The following FYB2 variants were observed in gnomAD, a reference collection of about 807,000 sequenced individuals.
FYB2 encodes FYN binding protein 2, also known as FYN-binding protein 2.
FYB2 carries 103 observed loss-of-function variants against 94.1 expected under a neutral mutation model. The ratio of observed to expected loss-of-function variants is 1.09; its 90% CI spans 0.93 to 1.29. The LOEUF (loss-of-function observed/expected upper bound fraction) is 1.29. Ranked by LOEUF, FYB2 falls within the 50% of genes most tolerant of loss-of-function variation. The probability of loss-of-function intolerance (pLI) is 0.00; values close to 1 mark genes in which losing one functional copy is unlikely to be tolerated. For missense variants in FYB2, 896 were observed against 841.5 expected, an observed-to-expected ratio of 1.06 and a Z score of -0.80; for synonymous variants, 293 against 287.9, an observed-to-expected ratio of 1.02 and a Z score of -0.18.
chr1:56,773,543 G>A (rs1231777320), intron 4 of FYB2, among the ~76,000 whole-genome samples: 1 of 152,184 alleles, frequency 6.6e-6, no homozygotes, highest in Non-Finnish European at 1.5e-5. Flanking sequence ...TGAGGGTTTA[G>A]TGTGGGAATA....
chr1:56,767,986 T>G lies in FYB2; in HGVS notation c.954-48A>C, dbSNP rs775667576. The G allele has an allele frequency of 3.6e-5, 50 of 1,393,908 alleles. 1 individual carries two copies. In the East Asian group the frequency reaches 1.0e-3, roughly 29 times the overall value. The allele number at this position is 1,393,908 out of a possible 1,614,324, so 86.3% of individuals were successfully genotyped here. ...AAATGTAACATTTTTAAAAACATAT[T>G]TTGAAAGCTTTTTGTATTTTTTCCT... is the stretch of plus-strand genomic sequence containing the variant. On this transcript the variant is annotated intron_variant, in intron 4 of 19. Coordinates refer to ENST00000343433, the MANE Select transcript of FYB2 (RefSeq NM_001004303.5).
intron 17 of FYB2, among the ~76,000 whole-genome samples, chr1:56,722,464 CAGA>C (rs2100481191): frequency 6.6e-6 from 1 of 152,044 alleles, no homozygotes; most frequent in East Asian, 1.9e-4. Context: ...TATAGGTAAA[CAGA>C]AGAAGAGTAA....
At chr1:56,785,425 G>C (rs1286952040) in intron 4 of FYB2, among the ~76,000 whole-genome samples, 1 of 152,190 alleles carries the variant, frequency 6.6e-6, no homozygotes, top group Admixed American at 6.5e-5. Context: ...GCCTGAGCCA[G>C]TTAGATTATT....
chr1:56,772,695 C>T (rs957770400), intron 4 of FYB2, among the ~76,000 whole-genome samples: 2 of 152,144 alleles, frequency 1.3e-5, no homozygotes, highest in Non-Finnish European at 2.9e-5. Flanking sequence ...CTCTCTTCTA[C>T]ATTCTAGTTA....
intron 15 of FYB2, among the ~76,000 whole-genome samples, chr1:56,730,220 G>A (rs973427859): frequency 6.9e-6 from 1 of 145,542 alleles, no homozygotes; most frequent in African/African-American, 2.5e-5. Context: ...AAATACAAAA[G>A]ATCAATGAAA....
intron 3 of FYB2, among the ~76,000 whole-genome samples, chr1:56,788,165 C>T (rs1646174987): frequency 6.6e-6 from 1 of 152,170 alleles, no homozygotes; most frequent in African/African-American, 2.4e-5. Context: ...GATGTACACT[C>T]AAGTTTGAGA....
intron 17 of FYB2, among the ~76,000 whole-genome samples, chr1:56,722,880 A>G (rs1287276459): frequency 6.6e-6 from 1 of 152,020 alleles, no homozygotes; most frequent in Non-Finnish European, 1.5e-5. Context: ...TGTCTCTCTC[A>G]GTCCAGTGTC....
upstream of FYB2, chr1:56,819,555 C>A: frequency 1.7e-6 from 1 of 578,852 alleles, no homozygotes; most frequent in Non-Finnish European, 3.1e-6. Context: ...ACCTGCAGTC[C>A]TGCCAAGCCC....
At chr1:56,746,696 T>G (rs891666109) in intron 9 of FYB2, among the ~76,000 whole-genome samples, 5 of 152,040 alleles carry the variant, frequency 3.3e-5, no homozygotes, top group African/African-American at 1.2e-4. Context: ...TCCATTCTAC[T>G]TTTTATGGGC....
intron 14 of FYB2, among the ~76,000 whole-genome samples, chr1:56,738,097 A>G (rs921171503): frequency 6.6e-6 from 1 of 152,106 alleles, no homozygotes; most frequent in African/African-American, 2.4e-5. Flanking sequence ...ACGTGTATTG[A>G]CAGCCTACTA....
At chr1:56,751,761 C>T (rs1378246693) in intron 8 of FYB2, among the ~76,000 whole-genome samples, 1 of 152,052 alleles carries the variant, frequency 6.6e-6, no homozygotes, top group Non-Finnish European at 1.5e-5. Flanking sequence ...GAAGGCAAGA[C>T]AACATGCTAA....
At chr1:56,805,461 T>C (rs17114384) in intron 1 of FYB2, among the ~76,000 whole-genome samples, 2,561 of 152,316 alleles carry the variant, frequency 0.017, 69 homozygotes, top group African/African-American at 0.056. Context: ...TCGTGTATGT[T>C]GTCTCAATTA....
chr1:56,720,846 T>C (rs1644471594), intron 17 of FYB2: 1 of 152,506 alleles, frequency 6.6e-6, no homozygotes, highest in Admixed American at 6.6e-5. Flanking sequence ...CTGGATGAGG[T>C]TGTAACATAG....
chr1:56,778,988 GAGA>G (rs1570119010), intron 4 of FYB2, among the ~76,000 whole-genome samples: 2 of 152,058 alleles, frequency 1.3e-5, no homozygotes, highest in African/African-American at 2.4e-5. Flanking sequence ...GACGATCTGG[GAGA>G]AGATGACACA....
intron 9 of FYB2, among the ~76,000 whole-genome samples, chr1:56,748,699 A>G (rs1205799891): frequency 1.3e-5 from 2 of 151,904 alleles, no homozygotes; most frequent in African/African-American, 4.8e-5. Flanking sequence ...CACTTTAATC[A>G]CCTTCTCAAT....
intron 1 of FYB2, among the ~76,000 whole-genome samples, chr1:56,798,657 T>G (rs113425659): frequency 1.2e-4 from 18 of 152,228 alleles, no homozygotes; most frequent in Admixed American, 2.6e-4. Flanking sequence ...ATGATAATAA[T>G]AATAATAACA....
At chr1:56,752,447 G>T (rs559358747) in intron 8 of FYB2, among the ~76,000 whole-genome samples, 1 of 152,176 alleles carries the variant, frequency 6.6e-6, no homozygotes, top group Non-Finnish European at 1.5e-5. Context: ...ACATTTGAAA[G>T]TACTTGGGAA....
chr1:56,810,988 T>C (rs887951012), intron 1 of FYB2, among the ~76,000 whole-genome samples: 1 of 152,218 alleles, frequency 6.6e-6, no homozygotes, highest in Non-Finnish European at 1.5e-5. Context: ...GATGGTGAAC[T>C]CCTTCAGTGG....
intron 5 of FYB2, among the ~76,000 whole-genome samples, chr1:56,764,183 A>G (rs115248419): frequency 0.031 from 4,733 of 152,060 alleles, 96 homozygotes; most frequent in Non-Finnish European, 0.05. Context: ...TGAACTCCTG[A>G]CCTTAGGTGA....
Sources: gnomAD v4.1 joint callset for allele counts (sites outside exome capture counted in the v4.1 genomes callset) on GRCh38, gnomAD v4.1.1 for gene constraint, MANE v1.5 for transcripts, NCBI Gene and HGNC (gene_info 2026-07-23, HGNC 2026-07-21) for gene names.